The following TRIP10 variants were observed in gnomAD, a reference collection of about 807,000 sequenced individuals.
TRIP10 encodes the protein cdc42-interacting protein 4.
In TRIP10, 54 loss-of-function variants were observed where a neutral mutation model predicts 80.9. The observed-to-expected ratio is 0.67, with a 90% CI of 0.54 to 0.84. TRIP10 has a LOEUF of 0.84. TRIP10 is among the 40% of genes least tolerant of loss of function. The pLI, the probability that TRIP10 is intolerant of heterozygous loss-of-function variation, is 0.00. For synonymous variants in TRIP10, 321 were observed against 307.2 expected, an observed-to-expected ratio of 1.04 and a Z score of -0.47; for missense variants, 773 against 815.3, an observed-to-expected ratio of 0.95 and a Z score of 0.63.
At chr19:6,742,941 G>A (rs1340520916) in intron 3 of TRIP10, 26 bp from the exon 4 acceptor site, 1 of 1,611,998 alleles carries the variant, frequency 6.2e-7, no homozygotes, top group Non-Finnish European at 8.5e-7. Flanking sequence ...CTGACTCCCT[G>A]TTCCCCGATT....
In TRIP10 at chr19:6,744,476, C is replaced by T; in HGVS notation, c.643-78C>T. On this transcript the variant is annotated intron_variant, in intron 7 of 14. Transcript: ENST00000313244. The surrounding 1 kb of genome is among the most constrained non-coding windows in gnomAD (Gnocchi z 4.9). ...GGCTGGGGCCAGCGTGGAGCGCGATCATATTTGCAGAGTGAATCACTGTGC... is the reference window on the plus strand; with the variant it reads ...GGCTGGGGCCAGCGTGGAGCGCGATTATATTTGCAGAGTGAATCACTGTGC... 1 of 1,591,902 alleles carries T rather than the reference C, an allele frequency of 6.3e-7. No homozygotes were observed.
At position 6,741,067 on chromosome 19, in the gene TRIP10, T is replaced by C; in HGVS notation, c.82T>C (p.Tyr28His). The part of the protein sequence containing the change: ...TQWGLDLLDR[Y>H]VKFVKERTEV... ...GTGGGGGCTGGACCTGTTGGACAGATATGTAAAGTTCGTGAAAGAACGCAC... is the reference window on the plus strand; with the variant it reads ...GTGGGGGCTGGACCTGTTGGACAGACATGTAAAGTTCGTGAAAGAACGCAC... The change falls in exon 2 of 15, where the codon TAT (tyrosine) becomes CAT (histidine). Residue 28 changes from tyrosine to histidine, a missense_variant. Tyr to His is a moderately conservative substitution (Grantham distance 83). Transcript: ENST00000313244. 1 of 1,614,020 alleles carries C rather than the reference T, an allele frequency of 6.2e-7. No homozygotes were observed. The highest frequency in any genetic ancestry group is 2.2e-5 in the East Asian group (1 of 44,856).
At chr19:6,748,468 T>C (rs1255275368) in intron 11 of TRIP10, 1 of 152,210 alleles carries the variant, frequency 6.6e-6, no homozygotes, top group African/African-American at 2.4e-5. Context: ...TTCCTCAGTT[T>C]CTTCATCTGT....
chr19:6,741,353 T>G (rs1599557341), intron 3 of TRIP10, 72 bp downstream of exon 3: 1 of 1,520,230 alleles, frequency 6.6e-7, no homozygotes, highest in South Asian at 1.2e-5. Flanking sequence ...TTCCCCTCCC[T>G]CAGCTGGGAC....
chr19:6,745,091 G>GGAATTT lies in TRIP10; in HGVS notation c.984+97_984+98insGAATTT. On this transcript the variant is annotated intron_variant, in intron 9 of 14. Transcript: ENST00000313244. The surrounding 1 kb of genome is among the most constrained non-coding windows in gnomAD (Gnocchi z 7.2). ...TCAGCCCCAGCCGCCTGAACGCCGA[G>GGAATTT]TCTCGGGCAGGAATTTTCCTCTTGG... 6.9e-7 allele frequency: 1 copy of GGAATTT among 1,441,052 alleles called. No individual in the cohort carries two copies. Among genetic ancestry groups the GGAATTT allele is most frequent in the Non-Finnish European group, 9.2e-7 (1 of 1,090,722 alleles). 89.3% of individuals were successfully genotyped at this position (1,441,052 alleles called of 1,614,324 possible).
rs889424117 is a variant in TRIP10, at chr19:6,745,833, T to C, written c.985-196T>C. ...GTGTCGCTCCTGCATGCGTTTTCTC[T>C]GTGTGGTTGTGCATCTTGAGTTGTG... On this transcript the variant is annotated intron_variant, in intron 9 of 14. Coordinates refer to ENST00000313244, the MANE Select transcript of TRIP10 (RefSeq NM_001288962.2). This position sits in a 1 kb window ranked among gnomAD's most constrained non-coding sequence, Gnocchi z 7.2. 2.8e-5 allele frequency: 28 copies of C among 985,408 alleles called. No individual in the cohort carries two copies. Among genetic ancestry groups the C allele is most frequent in the Non-Finnish European group, 3.3e-5 (27 of 829,930 alleles). The allele number at this position is 985,408 out of a possible 1,614,324, so 61.0% of individuals were successfully genotyped here.
rs780155514 is a variant in TRIP10 at position 6,744,504 on chromosome 19, C to CTAGTCCCTCTGTTAGCACCCCTGAGCCA, written c.643-49_643-22dup. The CTAGTCCCTCTGTTAGCACCCCTGAGCCA allele has an allele frequency of 4.8e-5, 77 of 1,610,052 alleles. No homozygotes were observed. The highest frequency in any genetic ancestry group is 6.4e-5 in the Non-Finnish European group (75 of 1,178,970). ...ATTTGCAGAGTGAATCACTGTGCTT[C>CTAGTCCCTCTGTTAGCACCCCTGAGCCA]TAGTCCCTCTGTTAGCACCCCTGAG... On this transcript the variant is annotated intron_variant, in intron 7 of 14. Transcript: ENST00000313244. This position sits in a 1 kb window ranked among gnomAD's most constrained non-coding sequence, Gnocchi z 4.9.
Position 6,744,434 on chromosome 19 carries a change from C to T in TRIP10, c.643-120C>T, listed in dbSNP as rs1969035402. 1 of 1,418,416 alleles carries T rather than the reference C, an allele frequency of 7.1e-7. No homozygotes were observed. The highest frequency in any genetic ancestry group is 1.8e-5 in the Admixed American group (1 of 54,764). 87.9% of individuals were successfully genotyped at this position (1,418,416 alleles called of 1,614,324 possible). On this transcript the variant is annotated intron_variant, in intron 7 of 14. Coordinates refer to ENST00000313244, the MANE Select transcript of TRIP10 (RefSeq NM_001288962.2). This position sits in a 1 kb window ranked among gnomAD's most constrained non-coding sequence, Gnocchi z 4.9. ...GTCTCTCTTCCCGACTCTGTCTTCC[C>T]CTCCAGACTGGCTTGGGGCTGGGGC...
intron 3 of TRIP10, 30 bp from the exon 4 acceptor site, chr19:6,742,936 TC>T: frequency 6.2e-7 from 1 of 1,611,048 alleles, no homozygotes; most frequent in Non-Finnish European, 8.5e-7. Context: ...GGGGCCTGAC[TC>T]CCTGTTCCCC....
intron 11 of TRIP10, among the ~76,000 whole-genome samples, chr19:6,747,135 G>A (rs1241857906): frequency 6.6e-6 from 1 of 152,166 alleles, no homozygotes; most frequent in African/African-American, 2.4e-5. Flanking sequence ...ACCTGCCTGG[G>A]CAACAGAGTG....
intron 3 of TRIP10, among the ~76,000 whole-genome samples, chr19:6,742,159 G>A (rs1436362692): frequency 6.6e-6 from 1 of 151,818 alleles, no homozygotes; most frequent in Non-Finnish European, 1.5e-5. Context: ...GGGAGGGTGC[G>A]CAGGTGGATC....
At position 6,745,720 on chromosome 19, in the gene TRIP10, C is replaced by T. The variant is rs2145544323; in HGVS notation, c.985-309C>T. On this transcript the variant is annotated intron_variant, in intron 9 of 14. Transcript: ENST00000313244. This position sits in a 1 kb window ranked among gnomAD's most constrained non-coding sequence, Gnocchi z 7.2. ...ATGCTTGCTCCCGGACATAACATTCCAGAGACCTAGGAGATACCGGGGGAG... is the reference window on the plus strand; with the variant it reads ...ATGCTTGCTCCCGGACATAACATTCTAGAGACCTAGGAGATACCGGGGGAG... 3 of 985,282 alleles carry T rather than the reference C, an allele frequency of 3.0e-6. No individual in the cohort carries two copies. Among genetic ancestry groups the T allele is most frequent in the Middle Eastern group, 1.0e-3 (2 of 1,914 alleles). The allele number at this position is 985,282 out of a possible 1,614,324, so 61.0% of individuals were successfully genotyped here.
At position 6,745,328 on chromosome 19, in the gene TRIP10, C is replaced by T. The variant is rs1969084158; in HGVS notation, c.984+334C>T. The T allele has an allele frequency of 8.4e-6, 3 of 356,452 alleles. No individual in the cohort carries two copies. The South Asian group carries it at 1.3e-4, about 16-fold the overall frequency. 22.1% of individuals were successfully genotyped at this position (356,452 alleles called of 1,614,324 possible). A position where few individuals can be genotyped will look rare whatever the true frequency, so the allele number is the denominator to read the frequency against. On this transcript the variant is annotated intron_variant, in intron 9 of 14. Transcript: ENST00000313244. This position sits in a 1 kb window ranked among gnomAD's most constrained non-coding sequence, Gnocchi z 7.2. ...GACTCCCCGAGTTTCTCTCTCCATCCTGCTGATGGGACTCTGGGAGCCGCC... is the reference window on the plus strand; with the variant it reads ...GACTCCCCGAGTTTCTCTCTCCATCTTGCTGATGGGACTCTGGGAGCCGCC...
rs1440687589 is a variant in TRIP10 at position 6,751,247 on chromosome 19, T to C, written c.*36T>C. 2 of 1,613,254 alleles carry C rather than the reference T, an allele frequency of 1.2e-6. No individual in the cohort carries two copies. Among genetic ancestry groups the C allele is most frequent in the African/African-American group, 1.3e-5 (1 of 74,906 alleles). ...AGACGGGAAGAGGGGGGCTGTCGGCTGCTGCTTCTGGGCCACGGGGAGCCC... is the reference window on the plus strand; with the variant it reads ...AGACGGGAAGAGGGGGGCTGTCGGCCGCTGCTTCTGGGCCACGGGGAGCCC... On this transcript the variant is annotated 3_prime_UTR_variant, in exon 15 of 15. Transcript: ENST00000313244.
chr19:6,750,893 G>A (rs996579046), intron 14 of TRIP10, 170 bp from the exon 15 acceptor site: 1 of 1,185,616 alleles, frequency 8.4e-7, no homozygotes, highest in African/African-American at 1.6e-5. Flanking sequence ...CTACTCGGGA[G>A]GCTGAGGCAG....
intron 3 of TRIP10, among the ~76,000 whole-genome samples, chr19:6,741,948 G>A (rs1968929017): frequency 6.6e-6 from 1 of 152,086 alleles, no homozygotes; most frequent in East Asian, 1.9e-4. Flanking sequence ...CTCCCTAGTA[G>A]CTGGGATTAC....
At chr19:6,749,216 A>G (rs1969213888) in intron 11 of TRIP10, among the ~76,000 whole-genome samples, 1 of 152,034 alleles carries the variant, frequency 6.6e-6, no homozygotes, top group African/African-American at 2.4e-5. Flanking sequence ...TAATGCTGGG[A>G]TTACAGATGT....
Position 6,746,340 on chromosome 19 carries a change from C to T in TRIP10, c.1153-112C>T, listed in dbSNP as rs1010193855. The T allele has an allele frequency of 6.5e-7, 1 of 1,536,522 alleles. No individual in the cohort carries two copies. Among genetic ancestry groups the T allele is most frequent in the African/African-American group, 1.4e-5 (1 of 73,710 alleles). ...CAGACCTGCTTTGCTCTGTGCATGG[C>T]TTCGCTGTCAAGAACCATGGCTGGG... On this transcript the variant is annotated intron_variant, in intron 10 of 14. Transcript: ENST00000313244. The surrounding 1 kb of genome is among the most constrained non-coding windows in gnomAD (Gnocchi z 6.2).
chr19:6,739,819 T>C, intron 1 of TRIP10, 34 bp downstream of exon 1: 1 of 1,442,120 alleles, frequency 6.9e-7, no homozygotes, highest in South Asian at 1.6e-5. Context: ...AAGTTCCCCT[T>C]TGCTGGGGTC....
Sources: gnomAD v4.1 joint callset for allele counts (sites outside exome capture counted in the v4.1 genomes callset) on GRCh38, gnomAD v4.1.1 for gene constraint, Gnocchi (gnomAD v3.1) non-coding constraint, MANE v1.5 for transcripts, NCBI Gene and HGNC (gene_info 2026-07-23, HGNC 2026-07-21) for gene names.